TCERG1L: variants seen among roughly 807,000 people sequenced by gnomAD.
The protein encoded by TCERG1L is transcription elongation regulator 1 like, also known as transcription elongation regulator 1-like protein.
In TCERG1L, 37 loss-of-function variants were observed where a neutral mutation model predicts 56.3. The ratio of observed to expected loss-of-function variants is 0.66; its 90% CI spans 0.51 to 0.87. TCERG1L has a LOEUF of 0.87. TCERG1L is among the 40% of genes least tolerant of loss of function. TCERG1L has a pLI of 0.00. For missense variants in TCERG1L, 799 were observed against 774.2 expected (o/e 1.03, Z -0.38); for synonymous variants, 324 against 326.3 (o/e 0.99, Z 0.08).
In TCERG1L at chr10:131,103,182, G is replaced by A. The variant is rs1330567737; in HGVS notation, c.1485+1083C>T. 1.3e-5 allele frequency among the ~76,000 whole-genome samples: 2 copies of A among 151,946 alleles called. No individual in the cohort carries two copies. The highest frequency in any genetic ancestry group is 6.6e-5 in the Admixed American group (1 of 15,254). ...GATGCTTATTTGGGAAGAGAGCATT[G>A]CAATGGGAATACACATGCCATCGTA... On this transcript the variant is annotated intron_variant, in intron 10 of 11. Transcript: ENST00000368642. This position sits in a 1 kb window ranked among gnomAD's most constrained non-coding sequence, Gnocchi z 4.3.
At chr10:131,131,352 C>G (rs1845616267) in intron 8 of TCERG1L, among the ~76,000 whole-genome samples, 2 of 152,116 alleles carry the variant, frequency 1.3e-5, no homozygotes, top group Admixed American at 1.3e-4. Flanking sequence ...GACCAAAGAT[C>G]AAAGCAGGTC....
At position 131,092,406 on chromosome 10, in the gene TCERG1L, T is replaced by C. The variant is rs1288631765; in HGVS notation, c.*756A>G. The C allele has an allele frequency of 1.3e-5, 2 of 152,622 alleles. No individual in the cohort carries two copies. The highest frequency in any genetic ancestry group is 3.8e-4 in the East Asian group (2 of 5,200). 9.5% of individuals were successfully genotyped at this position (152,622 alleles called of 1,614,324 possible). A position where few individuals can be genotyped will look rare whatever the true frequency, so the allele number is the denominator to read the frequency against. ...CATACACACACTGGTTTAAAATATT[T>C]ATTGATTAAAAAAAATTAAAAATTT... On this transcript the variant is annotated 3_prime_UTR_variant, in exon 12 of 12. Transcript: ENST00000368642.
intron 8 of TCERG1L, among the ~76,000 whole-genome samples, chr10:131,117,353 G>A (rs1029872874): frequency 2.0e-5 from 3 of 152,208 alleles, no homozygotes; most frequent in African/African-American, 4.8e-5. Context: ...CTTTTCATCC[G>A]AACAATCATT....
chr10:131,097,515 T>G (rs1845262370), intron 11 of TCERG1L, among the ~76,000 whole-genome samples: 1 of 151,996 alleles, frequency 6.6e-6, no homozygotes, highest in East Asian at 1.9e-4. Context: ...GCCCGGCTAA[T>G]TTTTTGTATT....
intron 7 of TCERG1L, among the ~76,000 whole-genome samples, chr10:131,137,839 T>C (rs1845692796): frequency 6.6e-6 from 1 of 152,164 alleles, no homozygotes; most frequent in South Asian, 2.1e-4. Flanking sequence ...GGGGTTGCCG[T>C]GCACAACGGC....
intron 3 of TCERG1L, among the ~76,000 whole-genome samples, chr10:131,279,021 C>A (rs898578444): frequency 6.6e-6 from 1 of 152,184 alleles, no homozygotes; most frequent in Non-Finnish European, 1.5e-5. Context: ...GCCCCCAAAG[C>A]TCCAGAAGCC....
chr10:131,235,575 T>C (rs1047240408), intron 4 of TCERG1L, among the ~76,000 whole-genome samples: 2 of 152,346 alleles, frequency 1.3e-5, no homozygotes, highest in South Asian at 2.1e-4. Flanking sequence ...AGCTCAAAAC[T>C]ATGGAATACT....
chr10:131,188,984 TA>T (rs1158765222), intron 4 of TCERG1L, among the ~76,000 whole-genome samples: 3 of 152,244 alleles, frequency 2.0e-5, no homozygotes, highest in East Asian at 1.9e-4. Context: ...TTTGCACCTT[TA>T]AAAAAATCTA....
At chr10:131,185,557 C>T (rs1845227586) in intron 4 of TCERG1L, among the ~76,000 whole-genome samples, 2 of 152,090 alleles carry the variant, frequency 1.3e-5, no homozygotes, top group African/African-American at 4.8e-5. Context: ...TGACAAACCA[C>T]CGAATTTGAA....
intron 4 of TCERG1L, among the ~76,000 whole-genome samples, chr10:131,173,366 C>T (rs559134173): frequency 6.6e-6 from 1 of 152,286 alleles, no homozygotes; most frequent in South Asian, 2.1e-4. Flanking sequence ...AATTATCCGT[C>T]AATTTAACCG....
At chr10:131,094,490 T>C (rs1845220815) in intron 11 of TCERG1L, among the ~76,000 whole-genome samples, 1 of 152,224 alleles carries the variant, frequency 6.6e-6, no homozygotes, top group Non-Finnish European at 1.5e-5. Flanking sequence ...GACAAATAAT[T>C]AGCAGACTCA....
At chr10:131,284,694 A>G (rs76579746) in intron 3 of TCERG1L, among the ~76,000 whole-genome samples, 3,061 of 152,208 alleles carry the variant, frequency 0.02, 76 homozygotes, top group East Asian at 0.076. Flanking sequence ...AAGCAAAACT[A>G]TATATTAAAA....
At chr10:131,186,773 C>T (rs578214758) in intron 4 of TCERG1L, among the ~76,000 whole-genome samples, 2 of 152,294 alleles carry the variant, frequency 1.3e-5, no homozygotes, top group Non-Finnish European at 2.9e-5. Flanking sequence ...GCACTCCACA[C>T]CACCAAGCTG....
intron 4 of TCERG1L, among the ~76,000 whole-genome samples, chr10:131,167,167 C>T (rs542893805): frequency 1.8e-4 from 28 of 152,328 alleles, no homozygotes; most frequent in African/African-American, 6.5e-4. Flanking sequence ...CATCCCTCTC[C>T]TGTGCCTGTG....
intron 6 of TCERG1L, among the ~76,000 whole-genome samples, chr10:131,149,740 G>A (rs953067798): frequency 6.6e-6 from 1 of 152,200 alleles, no homozygotes; most frequent in Admixed American, 6.5e-5. Flanking sequence ...GCGACATTGG[G>A]CTCTGTCTCC....
At position 131,311,375 on chromosome 10, in the gene TCERG1L, C is replaced by T; in HGVS notation, c.261G>A (p.Val87=). The T allele has an allele frequency of 8.4e-7, 1 of 1,195,038 alleles. No homozygotes were observed. Among genetic ancestry groups the T allele is most frequent in the Non-Finnish European group, 1.0e-6 (1 of 965,828 alleles). The allele number at this position is 1,195,038 out of a possible 1,614,324, so 74.0% of individuals were successfully genotyped here. A position where few individuals can be genotyped will look rare whatever the true frequency, so the allele number is the denominator to read the frequency against. The change falls in exon 1 of 12, where the codon GTG becomes GTA. Residue 87 remains valine, a synonymous_variant. Coordinates refer to ENST00000368642, the MANE Select transcript of TCERG1L (RefSeq NM_174937.4). This position sits in a 1 kb window ranked among gnomAD's most constrained non-coding sequence, Gnocchi z 4.0. The part of the protein sequence containing the change: ...LPGWPAPSEP[V]LPLLPLPSAP... ...CAGAGGGCAGCGGCAGCAGCGGGAG[C>T]ACCGGCTCGCTCGGGGCCGGCCAGC...
At position 131,156,762 on chromosome 10, in the gene TCERG1L, C is replaced by A. The variant is rs551539024; in HGVS notation, c.1034+6360G>T. Among the ~76,000 whole-genome samples, 5 of 152,146 alleles carry A rather than the reference C, an allele frequency of 3.3e-5. No individual in the cohort carries two copies. In the South Asian group the frequency reaches 8.3e-4, roughly 25 times the overall value. ...GTGCATGCAGCCCCCCAGTCACATA[C>A]CCCCTGCTTGCTCAATCGATCACGA... On this transcript the variant is annotated intron_variant, in intron 6 of 11. Transcript: ENST00000368642.
chr10:131,237,016 G>C (rs180825707), intron 4 of TCERG1L, among the ~76,000 whole-genome samples: 1 of 151,850 alleles, frequency 6.6e-6, no homozygotes, highest in African/African-American at 2.4e-5. Context: ...ATTTCACCTG[G>C]AGTAGAGGAA....
chr10:131,228,005 A>C (rs1845811883), intron 4 of TCERG1L, among the ~76,000 whole-genome samples: 1 of 121,840 alleles, frequency 8.2e-6, no homozygotes, highest in East Asian at 2.4e-4. Flanking sequence ...CCTGACTTGG[A>C]CTCTGTCCTC....
Sources: allele counts gnomAD v4.1 joint callset (sites outside exome capture counted in the v4.1 genomes callset), GRCh38; gene constraint gnomAD v4.1.1; non-coding constraint Gnocchi (gnomAD v3.1); transcripts MANE v1.5; gene names NCBI Gene and HGNC (gene_info 2026-07-23, HGNC 2026-07-21).